PTPN13: variants seen among roughly 807,000 people sequenced by gnomAD.
The protein encoded by PTPN13 is protein tyrosine phosphatase non-receptor type 13.
Under a neutral mutation model 284.0 loss-of-function variants are expected in PTPN13, and 191 were observed. The observed-to-expected ratio is 0.67, with a 90% CI of 0.60 to 0.76. PTPN13 has a LOEUF of 0.76. Among genes scored for constraint, PTPN13 ranks in the 30% least tolerant of loss-of-function variants. PTPN13 has a pLI of 0.00. For synonymous variants in PTPN13, 986 were observed against 1,022.3 expected (o/e 0.96, Z 0.68); for missense variants, 2,797 against 2,939.9 (o/e 0.95, Z 1.12).
chr4:86,733,300 A>G (rs1398373117), intron 12 of PTPN13, among the ~76,000 whole-genome samples: 5 of 152,088 alleles, frequency 3.3e-5, no homozygotes, highest in Non-Finnish European at 7.4e-5. Context: ...AACTTCTCCT[A>G]TTTATCAATT....
intron 2 of PTPN13, among the ~76,000 whole-genome samples, chr4:86,662,865 G>A (rs1726668770): frequency 6.6e-6 from 1 of 152,118 alleles, no homozygotes; most frequent in Admixed American, 6.5e-5. Flanking sequence ...ATGGATATTG[G>A]TTTATAGAAC....
At chr4:86,669,628 T>C (rs1354369734) in intron 2 of PTPN13, among the ~76,000 whole-genome samples, 1 of 152,116 alleles carries the variant, frequency 6.6e-6, no homozygotes, top group Non-Finnish European at 1.5e-5. Context: ...GCAGTTCTGA[T>C]TGGTGCTACC....
intron 44 of PTPN13, among the ~76,000 whole-genome samples, chr4:86,806,967 G>A (rs899524097): frequency 6.6e-6 from 1 of 151,930 alleles, no homozygotes; most frequent in African/African-American, 2.4e-5. Context: ...AAAGATAAGG[G>A]CCTTTATGCC....
At position 86,685,938 on chromosome 4, in the gene PTPN13, A is replaced by T. The variant is rs192876185; in HGVS notation, c.295-772A>T. ...TTGTAGTAGCAAAGGTTTGAAAAAA[A>T]TTTTAATTCTCTATTAATAACAGAT... On this transcript the variant is annotated intron_variant, in intron 3 of 47. Coordinates refer to ENST00000411767, the MANE Select transcript of PTPN13 (RefSeq NM_080683.3). 4.9e-3 allele frequency among the ~76,000 whole-genome samples: 742 copies of T among 152,354 alleles called. 2 individuals carry two copies. The highest frequency in any genetic ancestry group is 0.017 in the African/African-American group (698 of 41,592).
intron 7 of PTPN13, among the ~76,000 whole-genome samples, chr4:86,710,117 C>T (rs923025311): frequency 2.0e-5 from 3 of 152,234 alleles, no homozygotes; most frequent in East Asian, 3.9e-4. Flanking sequence ...TAGAAAAGAA[C>T]ACTTAATATA....
intron 1 of PTPN13, among the ~76,000 whole-genome samples, chr4:86,596,949 ACTC>A (rs1763866699): frequency 6.6e-6 from 1 of 152,096 alleles, no homozygotes; most frequent in Non-Finnish European, 1.5e-5. Context: ...TTTAGTAGTT[ACTC>A]CTGTCAACAT....
rs1737266905 is a variant in PTPN13, at chr4:86,750,542, G to A, written c.2723G>A (p.Ser908Asn). The change falls in exon 18 of 48, where the codon AGC becomes AAC. Residue 908 changes from serine to asparagine, a missense_variant. By Grantham distance (46) the Ser-to-Asn change is conservative. Coordinates refer to ENST00000411767, the MANE Select transcript of PTPN13 (RefSeq NM_080683.3). Reference sequence around the variant, plus strand: ...GGATTTAATATGGGACGAGCAATCAGCACTGGCAGTCTGGCCAGCAGCACC... The same window carrying A: ...GGATTTAATATGGGACGAGCAATCAACACTGGCAGTCTGGCCAGCAGCACC... The part of the protein sequence containing the change: ...VRGFNMGRAI[S>N]TGSLASSTLN... 6.2e-7 allele frequency: 1 copy of A among 1,613,980 alleles called. No homozygotes were observed.
chr4:86,793,185 CA>C (rs1423298108), intron 40 of PTPN13, among the ~76,000 whole-genome samples: 4 of 151,630 alleles, frequency 2.6e-5, no homozygotes, highest in Non-Finnish European at 1.5e-5. Context: ...CAATGGAAAG[CA>C]AAAAAAGCAG....
intron 2 of PTPN13, among the ~76,000 whole-genome samples, chr4:86,655,545 T>C (rs1338594333): frequency 1.3e-5 from 2 of 152,196 alleles, no homozygotes; most frequent in South Asian, 4.1e-4. Context: ...AAAATTCTTT[T>C]CTTTAAGAAT....
chr4:86,653,201 A>C (rs997193562), intron 2 of PTPN13, among the ~76,000 whole-genome samples: 1 of 152,060 alleles, frequency 6.6e-6, no homozygotes, highest in African/African-American at 2.4e-5. Context: ...TGAATTTCCT[A>C]TCTGAAAGGA....
chr4:86,803,497 G>A (rs1744286790), intron 42 of PTPN13, among the ~76,000 whole-genome samples: 1 of 152,142 alleles, frequency 6.6e-6, no homozygotes, highest in Non-Finnish European at 1.5e-5. Flanking sequence ...GGAAACTGAG[G>A]CAGGAAGATC....
At chr4:86,689,733 A>G in intron 5 of PTPN13, 2 of 702,310 alleles carry the variant, frequency 2.8e-6, no homozygotes, top group Non-Finnish European at 5.2e-6. Flanking sequence ...GGACTCTTCT[A>G]GTTTTTCTCT....
chr4:86,675,617 T>G (rs973045779), intron 3 of PTPN13, among the ~76,000 whole-genome samples: 39 of 152,286 alleles, frequency 2.6e-4, no homozygotes, highest in Middle Eastern at 6.8e-3. Flanking sequence ...CTGTACATGT[T>G]TGTATGAAAA....
intron 10 of PTPN13, among the ~76,000 whole-genome samples, chr4:86,728,912 A>G (rs1358887884): frequency 6.8e-6 from 1 of 147,638 alleles, no homozygotes; most frequent in Non-Finnish European, 1.5e-5. Context: ...TTTGCCTATT[A>G]ATTGAGGCAG....
chr4:86,707,134 C>T (rs1731861594), intron 7 of PTPN13, among the ~76,000 whole-genome samples: 1 of 151,798 alleles, frequency 6.6e-6, no homozygotes, highest in African/African-American at 2.4e-5. Flanking sequence ...ACTGTGAGTA[C>T]AGAGTGAGCA....
intron 2 of PTPN13, chr4:86,661,203 G>T: frequency 2.6e-6 from 1 of 379,142 alleles, no homozygotes; most frequent in Non-Finnish European, 5.1e-6. Context: ...GATAATATTT[G>T]CCTGGTTTTG....
intron 2 of PTPN13, among the ~76,000 whole-genome samples, chr4:86,653,187 A>T (rs991185959): frequency 4.0e-4 from 61 of 152,100 alleles, no homozygotes; most frequent in African/African-American, 1.4e-3. Flanking sequence ...CCAGACAGCT[A>T]TTTTGAATTT....
chr4:86,722,854 TG>T (rs1733821616), intron 10 of PTPN13, among the ~76,000 whole-genome samples: 1 of 152,198 alleles, frequency 6.6e-6, no homozygotes, highest in African/African-American at 2.4e-5. Flanking sequence ...CTTGCTGCTC[TG>T]TGATTCTCAG....
chr4:86,771,232 C>A lies in PTPN13; in HGVS notation c.4865C>A (p.Ser1622Ter). 1.2e-6 allele frequency: 2 copies of A among 1,611,442 alleles called. No homozygotes were observed. The highest frequency in any genetic ancestry group is 1.7e-6 in the Non-Finnish European group (2 of 1,178,816). The change falls in exon 31 of 48, where the codon TCA (serine) becomes TAA (stop). Residue 1622 changes from serine to a stop codon, truncating the protein, a stop_gained. Transcript: ENST00000411767. LOFTEE classifies it high-confidence loss of function. Reference sequence around the variant, plus strand: ...AGCAGTAAAGACTCTTCTCAGCCATCATGTGTGGAGCAAAGCACCAGCTCA... The same window carrying A: ...AGCAGTAAAGACTCTTCTCAGCCATAATGTGTGGAGCAAAGCACCAGCTCA... ...PNSSKDSSQPSCVEQSTSSDE... is the reference protein window; with the variant it reads ...PNSSKDSSQP
Sources: gnomAD v4.1 joint callset for allele counts (sites outside exome capture counted in the v4.1 genomes callset) on GRCh38, gnomAD v4.1.1 for gene constraint, MANE v1.5 for transcripts, NCBI Gene and HGNC (gene_info 2026-07-23, HGNC 2026-07-21) for gene names.